Variants in NEB observed in about 807,000 individuals in gnomAD.
The protein encoded by NEB is nemaline myopathy type 2.
A neutral mutation model predicts 952.2 loss-of-function variants in NEB; 512 were observed. That is an observed-to-expected ratio of 0.54 (90% CI 0.50 to 0.58). The LOEUF (loss-of-function observed/expected upper bound fraction) is 0.58. NEB is among the 20% of genes least tolerant of loss of function. The pLI is 0.00. For synonymous variants in NEB, 2,900 were observed against 3,149.8 expected (o/e 0.92, Z 2.66); for missense variants, 8,428 against 9,231.1 (o/e 0.91, Z 3.56).
At position 151,687,321 on chromosome 2, in the gene NEB, G is replaced by C. The variant is rs575227042; in HGVS notation, c.2637+98C>G. On this transcript the variant is annotated intron_variant, in intron 27 of 181. Coordinates refer to ENST00000397345, the MANE Select transcript of NEB (RefSeq NM_001164508.2). ...GTACTTTTGTGAATGTGATGTGAAA[G>C]AGCCCATGCTCATGAAATTCTTTTC... 9.0e-6 allele frequency: 9 copies of C among 996,966 alleles called. No homozygotes were observed. The Admixed American group carries it at 1.7e-4, about 19-fold the overall frequency. 61.8% of individuals were successfully genotyped at this position (996,966 alleles called of 1,614,324 possible). A position where few individuals can be genotyped will look rare whatever the true frequency, so the allele number is the denominator to read the frequency against.
At chr2:151,538,726 A>G (rs930180504) in intron 138 of NEB, among the ~76,000 whole-genome samples, 12 of 152,132 alleles carry the variant, frequency 7.9e-5, no homozygotes, top group African/African-American at 2.9e-4. Context: ...TTTAGCTTCT[A>G]ACTCCTAGTA....
In NEB at chr2:151,499,291, T is replaced by C; in HGVS notation, c.24114+7A>G. 1 of 1,410,558 alleles carries C rather than the reference T, an allele frequency of 7.1e-7. No individual in the cohort carries two copies. Among genetic ancestry groups the C allele is most frequent in the South Asian group, 1.4e-5 (1 of 73,804 alleles). The allele number at this position is 1,410,558 out of a possible 1,614,324, so 87.4% of individuals were successfully genotyped here. On this transcript the variant is annotated splice_region_variant and intron_variant, in intron 169 of 181. Transcript: ENST00000397345. ...AATAATTAAAGGGATTTTTTATTTT[T>C]AAATACCGAACTAAAGTTTTCTTGA... is the stretch of plus-strand genomic sequence containing the variant.
At position 151,690,766 on chromosome 2, in the gene NEB, T is replaced by C; in HGVS notation, c.2271A>G (p.Val757=). 6.3e-7 allele frequency: 1 copy of C among 1,599,724 alleles called. No homozygotes were observed. Among genetic ancestry groups the C allele is most frequent in the Non-Finnish European group, 8.5e-7 (1 of 1,172,860 alleles). ...TKFTAVTDSP[V]LLQAQLNTKQ... is the part of the protein sequence containing the mutation. ...TCGTGTTGAGCTGGGCTTGCAACAG[T>C]ACAGGAGAATCAGTGACTGCCGTGA... is the stretch of plus-strand genomic sequence containing the variant. The change falls in exon 24 of 182, where the codon GTA becomes GTG. Residue 757 remains valine (V), a synonymous_variant. Coordinates refer to ENST00000397345, the MANE Select transcript of NEB (RefSeq NM_001164508.2).
At chr2:151,578,063 G>A (rs559449354) in intron 105 of NEB, among the ~76,000 whole-genome samples, 3 of 152,294 alleles carry the variant, frequency 2.0e-5, no homozygotes, top group Non-Finnish European at 4.4e-5. Context: ...TTTAAGTGAT[G>A]AGCATGCTTT....
intron 135 of NEB, among the ~76,000 whole-genome samples, chr2:151,544,033 T>C (rs79129822): frequency 0.025 from 3,750 of 152,294 alleles, 60 homozygotes; most frequent in African/African-American, 0.039. Context: ...ATGGTTTTTA[T>C]TAAAAACAGA....
In NEB at chr2:151,516,523, G is replaced by A. The variant is rs1182955893; in HGVS notation, c.22841C>T (p.Pro7614Leu). The A allele has an allele frequency of 1.2e-6, 2 of 1,613,184 alleles. No individual in the cohort carries two copies. Among genetic ancestry groups the A allele is most frequent in the South Asian group, 2.2e-5 (2 of 90,938 alleles). The change falls in exon 157 of 182, where the codon CCC (proline) becomes CTC (leucine). Residue 7614 changes from proline (P) to leucine (L), a missense_variant. Pro to Leu is a moderately conservative substitution (Grantham distance 98). Transcript: ENST00000397345. ...KEKYEKERGK[P>L]MLDFETPTYI... ...CGTTGGTGTTTCAAAGTCCAGCATG[G>A]GTTTTCCTCGTTCCTTTTCATACTT...
intron 170 of NEB, chr2:151,497,941 C>T: frequency 6.9e-7 from 1 of 1,446,350 alleles, no homozygotes; most frequent in Non-Finnish European, 9.0e-7. Context: ...CAGAGTTATC[C>T]ATGTTATTTT....
In NEB at chr2:151,561,045, C is replaced by T; in HGVS notation, c.19165G>A (p.Asp6389Asn). 7 of 1,609,734 alleles carry T rather than the reference C, an allele frequency of 4.3e-6. No individual in the cohort carries two copies. Among genetic ancestry groups the T allele is most frequent in the Non-Finnish European group, 5.9e-6 (7 of 1,177,518 alleles). The change falls in exon 123 of 182, where the codon GAT becomes AAT. Residue 6389 changes from aspartate to asparagine, a missense_variant. Around this residue, in one of 11 missense-constraint regions of NEB, gnomAD observed 3,374 missense variants for 3,651.5 expected, o/e 0.92. Coordinates refer to ENST00000397345, the MANE Select transcript of NEB (RefSeq NM_001164508.2). ...DKYTTVLETV[D>N]YDRTRNLKNL... ...TTCAGGTTTCTGGTTCTGTCATAAT[C>T]CACTGTTTCTAGAACTGTTGTGTAT... is the stretch of plus-strand genomic sequence containing the variant.
rs781004239 is a variant in NEB, at chr2:151,491,679, AC to A, written c.25150+3del. 21 of 1,578,938 alleles carry A rather than the reference AC, an allele frequency of 1.3e-5. No individual in the cohort carries two copies. Among genetic ancestry groups the A allele is most frequent in the Middle Eastern group, 3.3e-4 (2 of 6,030 alleles). The stretch of plus-strand genomic sequence containing the variant: ...ATGTTGTAAGCCTTTTTCAGCTAAC[AC>A]ACCATTAATCATGTGTAAGCTTCGG... On this transcript the variant is annotated splice_donor_region_variant and intron_variant, in intron 179 of 181. Coordinates refer to ENST00000397345, the MANE Select transcript of NEB (RefSeq NM_001164508.2).
chr2:151,730,212 T>C (rs2099802707), intron 3 of NEB, among the ~76,000 whole-genome samples: 2 of 152,300 alleles, frequency 1.3e-5, no homozygotes, highest in Admixed American at 6.5e-5. Flanking sequence ...TCTGGAGTGA[T>C]GGGTGAGTCC....
intron 173 of NEB, 149 bp downstream of exon 173, chr2:151,496,127 G>A (rs1402298263): frequency 1.7e-5 from 15 of 865,028 alleles, no homozygotes; most frequent in Admixed American, 2.3e-5. Flanking sequence ...TAGGCTAGAA[G>A]TAGCCCAAAG....
intron 70 of NEB, among the ~76,000 whole-genome samples, chr2:151,626,059 G>A (rs1170922760): frequency 6.6e-6 from 1 of 150,992 alleles, no homozygotes; most frequent in East Asian, 1.9e-4. Flanking sequence ...AAATGTACCT[G>A]TATGTGCTAT....
intron 107 of NEB, among the ~76,000 whole-genome samples, chr2:151,572,797 T>C (rs553268247): frequency 8.2e-4 from 119 of 145,284 alleles, no homozygotes; most frequent in African/African-American, 3.0e-3. Flanking sequence ...TGATCCACCC[T>C]CCTCAGCCTC....
intron 143 of NEB, among the ~76,000 whole-genome samples, chr2:151,532,362 CATATT>C (rs981929682): frequency 3.0e-4 from 46 of 152,232 alleles, no homozygotes; most frequent in Non-Finnish European, 5.7e-4. Flanking sequence ...TTACTCATAA[CATATT>C]GTATTGAACA....
chr2:151,610,775 G>A lies in NEB; in HGVS notation c.11897C>T (p.Ala3966Val), dbSNP rs1298730602. 4 of 1,608,762 alleles carry A rather than the reference G, an allele frequency of 2.5e-6. No homozygotes were observed. In the South Asian group the frequency reaches 3.3e-5, roughly 13 times the overall value. The change falls in exon 79 of 182, where the codon GCC becomes GTC. Residue 3966 changes from alanine to valine, a missense_variant. Transcript: ENST00000397345. Reference protein sequence around the residue: ...PDILLAKSNSANISQKLYTKG... With the variant: ...PDILLAKSNSVNISQKLYTKG... ...GAAATCTCTTACTTGGCTGATATTGGCAGAATTACTCTTGGCCAGCAGGAT... is the reference window on the plus strand; with the variant it reads ...GAAATCTCTTACTTGGCTGATATTGACAGAATTACTCTTGGCCAGCAGGAT...
chr2:151,504,555 T>C (rs1477597539), intron 165 of NEB, among the ~76,000 whole-genome samples: 1 of 152,178 alleles, frequency 6.6e-6, no homozygotes, highest in Non-Finnish European at 1.5e-5. Context: ...CTAAATAATA[T>C]GAACAACCTG....
rs897368602 is a variant in NEB at position 151,570,170 on chromosome 2, C to G, written c.17341G>C (p.Asp5781His). The G allele has an allele frequency of 1.2e-6, 2 of 1,613,608 alleles. No individual in the cohort carries two copies. The highest frequency in any genetic ancestry group is 1.7e-6 in the Non-Finnish European group (2 of 1,179,738). Reference sequence around the variant, plus strand: ...CACTGGTGCAGGTAATTGCGGTAATCCATGTCACTGACCAGAGCCTGGGAA... The same window carrying G: ...CACTGGTGCAGGTAATTGCGGTAATGCATGTCACTGACCAGAGCCTGGGAA... ...KNSQALVSDM[D>H]YRNYLHQWTC... Residue 5781 changes from aspartate (D) to histidine (H), a missense_variant, in exon 109 of 182, where the codon GAT (aspartate) becomes CAT (histidine). Asp to His is a moderately conservative substitution (Grantham distance 81, BLOSUM62 -1). Coordinates refer to ENST00000397345, the MANE Select transcript of NEB (RefSeq NM_001164508.2).
intron 128 of NEB, 126 bp downstream of exon 128, chr2:151,552,546 C>T (rs944584039): frequency 3.8e-5 from 24 of 629,700 alleles, no homozygotes; most frequent in African/African-American, 1.8e-4. Context: ...TGCTTTCAAA[C>T]GCACCAACTC....
chr2:151,501,737 C>G (rs1301242860), intron 167 of NEB, among the ~76,000 whole-genome samples: 1 of 152,028 alleles, frequency 6.6e-6, no homozygotes, highest in South Asian at 2.1e-4. Flanking sequence ...TTATGTAGGC[C>G]TTCTCTCAAA....
Sources: allele counts gnomAD v4.1 joint callset (sites outside exome capture counted in the v4.1 genomes callset), GRCh38; gene constraint gnomAD v4.1.1; regional missense constraint gnomAD v4.1.1; transcripts MANE v1.5; gene names NCBI Gene and HGNC (gene_info 2026-07-23, HGNC 2026-07-21).